Variants in TMEM229B observed in about 807,000 individuals in gnomAD.
TMEM229B encodes the protein transmembrane protein 229B, also known as chromosome 14 open reading frame 83.
In TMEM229B, 6 loss-of-function variants were observed where a neutral mutation model predicts 13.7. That is an observed-to-expected ratio of 0.44 (90% CI 0.24 to 0.86). The LOEUF is 0.86. Among genes scored for constraint, TMEM229B ranks in the 40% least tolerant of loss-of-function variants. TMEM229B has a pLI of 0.23. For synonymous variants in TMEM229B, 107 were observed against 102.1 expected, an observed-to-expected ratio of 1.05 and a Z score of -0.29; for missense variants, 170 against 236.0, an observed-to-expected ratio of 0.72 and a Z score of 1.83.
At chr14:67,474,577 AT>A (rs34343156) in intron 2 of TMEM229B, among the ~76,000 whole-genome samples, 5,744 of 152,222 alleles carry the variant, frequency 0.038, 110 homozygotes, top group Middle Eastern at 0.051. Flanking sequence ...TGTGCATGCC[AT>A]TTTTTAACCA....
chr14:67,499,002 T>TATTTATTA (rs2032502371), intron 1 of TMEM229B, among the ~76,000 whole-genome samples: 1 of 150,956 alleles, frequency 6.6e-6, no homozygotes, highest in African/African-American at 2.4e-5. Context: ...TTTATTTATT[T>TATTTATTA]ATTAGTTATT....
intron 1 of TMEM229B, among the ~76,000 whole-genome samples, chr14:67,497,298 A>G (rs2032429258): frequency 6.6e-6 from 1 of 152,102 alleles, no homozygotes; most frequent in South Asian, 2.1e-4. Context: ...CCCTTTACAG[A>G]GAGGAGACCC....
At chr14:67,504,723 A>C (rs1056069320) in intron 1 of TMEM229B, among the ~76,000 whole-genome samples, 1 of 152,116 alleles carries the variant, frequency 6.6e-6, no homozygotes, top group African/African-American at 2.4e-5. Context: ...TGTCTCTACT[A>C]AAAATACAAA....
chr14:67,481,221 T>G (rs2031565578), intron 2 of TMEM229B, among the ~76,000 whole-genome samples: 1 of 152,114 alleles, frequency 6.6e-6, no homozygotes, highest in South Asian at 2.1e-4. Context: ...AGTTTGAGGC[T>G]ACAGTGAGCT....
At chr14:67,511,881 C>T (rs540616547) in intron 1 of TMEM229B, among the ~76,000 whole-genome samples, 2 of 152,226 alleles carry the variant, frequency 1.3e-5, no homozygotes, top group African/African-American at 2.4e-5. Flanking sequence ...TCTTTTCCAT[C>T]TTGGAAATGT....
At chr14:67,488,268 G>T (rs2031991526) in intron 1 of TMEM229B, among the ~76,000 whole-genome samples, 1 of 152,240 alleles carries the variant, frequency 6.6e-6, no homozygotes, top group Non-Finnish European at 1.5e-5. Flanking sequence ...GGCCGCTTGG[G>T]CCCTTGCTCA....
chr14:67,511,392 G>C (rs971357758), intron 1 of TMEM229B, among the ~76,000 whole-genome samples: 1 of 152,074 alleles, frequency 6.6e-6, no homozygotes, highest in Admixed American at 6.6e-5. Context: ...CTAGAAGATG[G>C]AGCAGCCGGA....
chr14:67,522,244 T>C (rs779834238), intron 1 of TMEM229B, among the ~76,000 whole-genome samples: 5 of 152,094 alleles, frequency 3.3e-5, no homozygotes, highest in Non-Finnish European at 5.9e-5. Context: ...TCCACACATA[T>C]CCCCGTACCC....
At chr14:67,519,175 T>C (rs190449321), upstream of TMEM229B, among the ~76,000 whole-genome samples, 1 of 152,238 alleles carries the variant, frequency 6.6e-6, no homozygotes, top group African/African-American at 2.4e-5. Context: ...GAAAGGGGCA[T>C]AAAGAGGCTA....
chr14:67,473,900 C>T lies in TMEM229B; in HGVS notation c.24G>A (p.Thr8=), dbSNP rs773260552. MASAEPL[T]ALSRWYLYAI... is the part of the protein sequence containing the mutation. ...CATACAGGTACCAGCGGGACAGCGC[C>T]GTCAGGGGCTCGGCAGACGCCATGG... Residue 8 remains threonine, a synonymous_variant, in exon 3 of 3, where the codon ACG becomes ACA. Coordinates refer to ENST00000554480, the MANE Select transcript of TMEM229B (RefSeq NM_001348543.2). This position sits in a 1 kb window ranked among gnomAD's most constrained non-coding sequence, Gnocchi z 6.5. 4 of 1,607,662 alleles carry T rather than the reference C, an allele frequency of 2.5e-6. No homozygotes were observed. Among genetic ancestry groups the T allele is most frequent in the Admixed American group, 1.7e-5 (1 of 59,328 alleles).
Position 67,473,291 on chromosome 14 carries a change from G to A in TMEM229B, c.*129C>T. Reference sequence around the variant, plus strand: ...GCCCCCGCGGACGTTAGGGGGCTCTGTGTGCCCTATAGGGCTGAGGCTTGG... The same window carrying A: ...GCCCCCGCGGACGTTAGGGGGCTCTATGTGCCCTATAGGGCTGAGGCTTGG... On this transcript the variant is annotated 3_prime_UTR_variant, in exon 3 of 3. Coordinates refer to ENST00000554480, the MANE Select transcript of TMEM229B (RefSeq NM_001348543.2). This position sits in a 1 kb window ranked among gnomAD's most constrained non-coding sequence, Gnocchi z 6.5. The A allele has an allele frequency of 7.6e-7, 1 of 1,313,006 alleles. No homozygotes were observed. The highest frequency in any genetic ancestry group is 1.0e-6 in the Non-Finnish European group (1 of 952,716). 81.3% of individuals were successfully genotyped at this position (1,313,006 alleles called of 1,614,324 possible).
At chr14:67,488,313 G>A (rs549921958) in intron 1 of TMEM229B, among the ~76,000 whole-genome samples, 195 bp downstream of exon 1, 1 of 152,386 alleles carries the variant, frequency 6.6e-6, no homozygotes, top group South Asian at 2.1e-4. Flanking sequence ...GGCAGCCGAG[G>A]AGAAGTGAAA....
chr14:67,476,325 A>C (rs2031192240), intron 2 of TMEM229B, among the ~76,000 whole-genome samples: 1 of 152,070 alleles, frequency 6.6e-6, no homozygotes, highest in Non-Finnish European at 1.5e-5. Flanking sequence ...AGTGGCTCAC[A>C]CCTGTAATCC....
chr14:67,505,722 T>TG (rs1311854161), intron 1 of TMEM229B, among the ~76,000 whole-genome samples: 3 of 151,966 alleles, frequency 2.0e-5, no homozygotes, highest in African/African-American at 4.8e-5. Flanking sequence ...TTTTTTTTTT[T>TG]TTTAAACAGA....
chr14:67,502,254 C>T (rs1326533042), intron 1 of TMEM229B, among the ~76,000 whole-genome samples: 1 of 151,604 alleles, frequency 6.6e-6, no homozygotes, highest in Non-Finnish European at 1.5e-5. Context: ...TCACTTGAAC[C>T]TGGGAGGTGG....
intron 2 of TMEM229B, among the ~76,000 whole-genome samples, chr14:67,480,048 C>T (rs1243126780): frequency 3.3e-5 from 5 of 152,168 alleles, no homozygotes; most frequent in South Asian, 2.1e-4. Context: ...GTGAGGATAA[C>T]GGAAGTAATG....
chr14:67,530,164 C>T (rs1211664695), intron 1 of TMEM229B, among the ~76,000 whole-genome samples: 1 of 152,206 alleles, frequency 6.6e-6, no homozygotes, highest in African/African-American at 2.4e-5. Flanking sequence ...TCGTAAACTC[C>T]AGCCAATATT....
intron 1 of TMEM229B, among the ~76,000 whole-genome samples, chr14:67,513,314 A>G (rs12878981): frequency 0.43 from 64,762 of 152,016 alleles, 14,186 homozygotes; most frequent in Non-Finnish European, 0.48. Flanking sequence ...GCCTGTTAGA[A>G]TGGGAAGGTC....
chr14:67,490,975 C>T (rs1316696918), upstream of TMEM229B, among the ~76,000 whole-genome samples: 1 of 152,190 alleles, frequency 6.6e-6, no homozygotes, highest in Non-Finnish European at 1.5e-5. Flanking sequence ...TTCATTTAAA[C>T]TCTGATGCTA....
Sources: gnomAD v4.1 joint callset for allele counts (sites outside exome capture counted in the v4.1 genomes callset) on GRCh38, gnomAD v4.1.1 for gene constraint, Gnocchi (gnomAD v3.1) non-coding constraint, MANE v1.5 for transcripts, NCBI Gene and HGNC (gene_info 2026-07-23, HGNC 2026-07-21) for gene names.